ZDHHC14: variants seen among roughly 807,000 people sequenced by gnomAD.
ZDHHC14 encodes palmitoyltransferase ZDHHC14.
In ZDHHC14, 16 loss-of-function variants were observed where a neutral mutation model predicts 47.7. That is an observed-to-expected ratio of 0.34 (90% CI 0.23 to 0.51). The LOEUF is 0.51. Ranked by LOEUF, ZDHHC14 falls within the 20% of genes least tolerant of loss-of-function variation. The probability of loss-of-function intolerance (pLI) is 0.97; values close to 1 mark genes in which losing one functional copy is unlikely to be tolerated. For missense variants in ZDHHC14, 515 were observed against 662.5 expected (o/e 0.78, Z 2.44); for synonymous variants, 293 against 278.9 (o/e 1.05, Z -0.50).
chr6:157,565,255 G>A (rs982764774), intron 2 of ZDHHC14, among the ~76,000 whole-genome samples: 2 of 152,106 alleles, frequency 1.3e-5, no homozygotes, highest in Admixed American at 1.3e-4. Context: ...CCAAAAAAAA[G>A]AGTATTTGAA....
At chr6:157,512,096 A>G (rs1346459774) in intron 1 of ZDHHC14, among the ~76,000 whole-genome samples, 1 of 152,218 alleles carries the variant, frequency 6.6e-6, no homozygotes, top group East Asian at 1.9e-4. Flanking sequence ...TATATGTATT[A>G]TTTAATTCTT....
chr6:157,624,575 C>T (rs1785327382), intron 3 of ZDHHC14, among the ~76,000 whole-genome samples: 1 of 152,182 alleles, frequency 6.6e-6, no homozygotes, highest in African/African-American at 2.4e-5. Flanking sequence ...TGATACAGTG[C>T]TGGGTACATG....
intron 1 of ZDHHC14, among the ~76,000 whole-genome samples, chr6:157,393,067 C>T (rs1384022763): frequency 1.3e-5 from 2 of 151,978 alleles, no homozygotes; most frequent in African/African-American, 2.4e-5. Context: ...TTAGTAGAGA[C>T]AGGGTTTCTC....
intron 2 of ZDHHC14, among the ~76,000 whole-genome samples, chr6:157,565,510 G>A (rs1015952573): frequency 2.6e-5 from 4 of 152,130 alleles, no homozygotes; most frequent in African/African-American, 9.7e-5. Flanking sequence ...CAAAGCAAGG[G>A]TCAGTGGAGT....
At chr6:157,658,675 A>G (rs1778209724) in intron 8 of ZDHHC14, among the ~76,000 whole-genome samples, 1 of 152,184 alleles carries the variant, frequency 6.6e-6, no homozygotes, top group African/African-American at 2.4e-5. Flanking sequence ...CTACTTGGCC[A>G]TGGTATATAA....
At chr6:157,405,430 C>T (rs1242906962) in intron 1 of ZDHHC14, among the ~76,000 whole-genome samples, 2 of 152,146 alleles carry the variant, frequency 1.3e-5, no homozygotes, top group Non-Finnish European at 2.9e-5. Flanking sequence ...GACGGGGTTT[C>T]ACTGTGTTGG....
intron 3 of ZDHHC14, among the ~76,000 whole-genome samples, chr6:157,602,281 C>G (rs1784365863): frequency 6.6e-6 from 1 of 150,980 alleles, no homozygotes; most frequent in Non-Finnish European, 1.5e-5. Context: ...TCAAGGTGGG[C>G]CAGTCACTTG....
At chr6:157,575,026 G>T (rs185113806) in intron 2 of ZDHHC14, among the ~76,000 whole-genome samples, 1 of 152,356 alleles carries the variant, frequency 6.6e-6, no homozygotes, top group East Asian at 1.9e-4. Flanking sequence ...TATGGGGTTG[G>T]CAAGTCTGGA....
chr6:157,535,611 C>A (rs16900257), intron 1 of ZDHHC14, among the ~76,000 whole-genome samples: 5 of 152,166 alleles, frequency 3.3e-5, no homozygotes, highest in African/African-American at 1.2e-4. Context: ...TTTAAATTCC[C>A]TCCCTTCATA....
intron 1 of ZDHHC14, among the ~76,000 whole-genome samples, chr6:157,436,435 G>A (rs1372935684): frequency 6.6e-6 from 1 of 152,066 alleles, no homozygotes; most frequent in South Asian, 2.1e-4. Flanking sequence ...GAAGCGATAC[G>A]ATTGGGTCTG....
chr6:157,615,587 C>A (rs916354861), intron 3 of ZDHHC14, among the ~76,000 whole-genome samples: 4 of 152,178 alleles, frequency 2.6e-5, no homozygotes, highest in African/African-American at 9.7e-5. Context: ...CTTGCTGAGG[C>A]CCAGAAACTG....
At chr6:157,437,307 G>A (rs1174307992) in intron 1 of ZDHHC14, among the ~76,000 whole-genome samples, 1 of 152,224 alleles carries the variant, frequency 6.6e-6, no homozygotes, top group African/African-American at 2.4e-5. Flanking sequence ...GTTAACGGAT[G>A]CTTCCTTCCA....
At chr6:157,390,677 A>T (rs1488253767) in intron 1 of ZDHHC14, among the ~76,000 whole-genome samples, 1 of 151,892 alleles carries the variant, frequency 6.6e-6, no homozygotes, top group Non-Finnish European at 1.5e-5. Flanking sequence ...TTGATATCTA[A>T]TTTTTGATAT....
intron 5 of ZDHHC14, 84 bp downstream of exon 5, chr6:157,632,966 C>T: frequency 7.1e-7 from 1 of 1,409,890 alleles, no homozygotes. Flanking sequence ...TCCTCATCTT[C>T]TGCCCCGGCC....
chr6:157,575,657 G>A (rs895410507), intron 2 of ZDHHC14, among the ~76,000 whole-genome samples: 13 of 152,224 alleles, frequency 8.5e-5, no homozygotes, highest in Non-Finnish European at 1.8e-4. Flanking sequence ...TCAGCCTCCA[G>A]ATCCTGGCTC....
chr6:157,516,048 T>C (rs902993741), intron 1 of ZDHHC14, among the ~76,000 whole-genome samples: 1 of 152,130 alleles, frequency 6.6e-6, no homozygotes, highest in African/African-American at 2.4e-5. Flanking sequence ...ACCTCCAGAG[T>C]AACCGCTACC....
intron 1 of ZDHHC14, among the ~76,000 whole-genome samples, chr6:157,433,365 C>T (rs1778376837): frequency 6.6e-6 from 1 of 152,166 alleles, no homozygotes; most frequent in Non-Finnish European, 1.5e-5. Context: ...AAAATTGTAG[C>T]CCCCTTGAAT....
intron 2 of ZDHHC14, among the ~76,000 whole-genome samples, chr6:157,547,148 C>T (rs1057160661): frequency 5.9e-5 from 9 of 152,198 alleles, no homozygotes; most frequent in Non-Finnish European, 1.3e-4. Flanking sequence ...ATGCCACTTC[C>T]CCAGGCAGAG....
intron 1 of ZDHHC14, among the ~76,000 whole-genome samples, chr6:157,484,481 T>TACAC (rs200518649): frequency 0.21 from 30,963 of 146,132 alleles, 3,737 homozygotes; most frequent in African/African-American, 0.3. Context: ...TATTTATATA[T>TACAC]ACACACACAA....
Sources: gnomAD v4.1 joint callset for allele counts (sites outside exome capture counted in the v4.1 genomes callset) on GRCh38, gnomAD v4.1.1 for gene constraint, MANE v1.5 for transcripts, NCBI Gene and HGNC (gene_info 2026-07-23, HGNC 2026-07-21) for gene names.